Variants in GULP1 observed in about 807,000 individuals in gnomAD.
The protein encoded by GULP1 is PTB domain-containing engulfment adapter protein 1.
GULP1 carries 19 observed loss-of-function variants against 40.9 expected under a neutral mutation model. That is an observed-to-expected ratio of 0.46 (90% CI 0.32 to 0.68). The LOEUF (loss-of-function observed/expected upper bound fraction) is 0.68. Among genes scored for constraint, GULP1 ranks in the 30% least tolerant of loss-of-function variants. GULP1 has a pLI of 0.03. For synonymous variants in GULP1, 119 were observed against 117.6 expected (o/e 1.01, Z -0.08); for missense variants, 312 against 362.2 (o/e 0.86, Z 1.12).
chr2:188,475,834 A>G (rs989855261), intron 2 of GULP1, among the ~76,000 whole-genome samples: 1 of 152,156 alleles, frequency 6.6e-6, no homozygotes, highest in African/African-American at 2.4e-5. Context: ...GTATTCCATT[A>G]TGTATATACA....
intron 7 of GULP1, among the ~76,000 whole-genome samples, chr2:188,552,092 C>T (rs1336643278): frequency 1.3e-5 from 2 of 151,020 alleles, no homozygotes; most frequent in Non-Finnish European, 3.0e-5. Flanking sequence ...ATGAATAATC[C>T]GAAAATATTT....
chr2:188,458,769 T>C (rs1207174770), intron 2 of GULP1, among the ~76,000 whole-genome samples: 2 of 152,142 alleles, frequency 1.3e-5, no homozygotes, highest in Non-Finnish European at 1.5e-5. Flanking sequence ...TGGTAGGTCT[T>C]ATTCATTCAT....
At position 188,444,995 on chromosome 2, in the gene GULP1, T is replaced by C. The variant is rs141079599; in HGVS notation, c.-44-32664T>C. ...CTGATTGTCACCTATTATTTAATGT[T>C]AATATCCTAATTTTCTGCCAAATTT... On this transcript the variant is annotated intron_variant, in intron 2 of 11. Coordinates refer to ENST00000409830, the MANE Select transcript of GULP1 (RefSeq NM_016315.4). Among the ~76,000 whole-genome samples the C allele has an allele frequency of 3.9e-4, 59 of 152,328 alleles. No homozygotes were observed. The East Asian group carries it at 0.011, about 27-fold the overall frequency.
rs189323640 is a variant in GULP1 at position 188,469,016 on chromosome 2, C to T, written c.-44-8643C>T. 1.3e-3 allele frequency among the ~76,000 whole-genome samples: 193 copies of T among 152,120 alleles called. 2 individuals are homozygous for T. Among genetic ancestry groups the T allele is most frequent in the Non-Finnish European group, 1.5e-5 (1 of 67,994 alleles). On this transcript the variant is annotated intron_variant, in intron 2 of 11. Coordinates refer to ENST00000409830, the MANE Select transcript of GULP1 (RefSeq NM_016315.4). ...GGATAGGAGCTCAGAGAATGAGGTA[C>T]CCTTTAAAACATAGTCAGCCTGTTA...
At chr2:188,442,859 C>A (rs1575281137) in intron 2 of GULP1, among the ~76,000 whole-genome samples, 1 of 152,130 alleles carries the variant, frequency 6.6e-6, no homozygotes, top group East Asian at 1.9e-4. Context: ...AGATCAGATT[C>A]TGTCCCTTCT....
At chr2:188,311,969 A>C (rs560854179) in intron 1 of GULP1, among the ~76,000 whole-genome samples, 2 of 150,534 alleles carry the variant, frequency 1.3e-5, no homozygotes, top group Non-Finnish European at 3.0e-5. Context: ...CTTTTTAACA[A>C]AATAATTCTG....
chr2:188,398,667 G>C (rs557358064), intron 2 of GULP1, among the ~76,000 whole-genome samples: 1 of 151,970 alleles, frequency 6.6e-6, no homozygotes, highest in African/African-American at 2.4e-5. Flanking sequence ...TAAACTGTAG[G>C]CCTTTTTTAG....
intron 2 of GULP1, among the ~76,000 whole-genome samples, chr2:188,417,525 T>G (rs535847528): frequency 6.6e-6 from 1 of 152,332 alleles, no homozygotes; most frequent in African/African-American, 2.4e-5. Flanking sequence ...CTATAGAATG[T>G]CTAGAAAAGT....
intron 2 of GULP1, among the ~76,000 whole-genome samples, chr2:188,390,742 T>A (rs2050407854): frequency 6.6e-6 from 1 of 152,094 alleles, no homozygotes; most frequent in African/African-American, 2.4e-5. Flanking sequence ...TTTTTTATGG[T>A]TTCAGGTCTT....
At chr2:188,307,837 A>C (rs2037371089) in intron 1 of GULP1, among the ~76,000 whole-genome samples, 1 of 152,240 alleles carries the variant, frequency 6.6e-6, no homozygotes, top group Non-Finnish European at 1.5e-5. Context: ...AATCCTGTGG[A>C]TCTAATTTCA....
At chr2:188,347,326 A>G (rs1041588909) in intron 1 of GULP1, among the ~76,000 whole-genome samples, 2 of 152,126 alleles carry the variant, frequency 1.3e-5, no homozygotes, top group Non-Finnish European at 2.9e-5. Context: ...GATGGACCCA[A>G]CAGCACTCTG....
chr2:188,576,311 T>C, intron 9 of GULP1, among the ~76,000 whole-genome samples: 1 of 152,108 alleles, frequency 6.6e-6, no homozygotes, highest in Non-Finnish European at 1.5e-5. Flanking sequence ...ATGCCCAATA[T>C]AACTTTGGTC....
At chr2:188,487,933 A>G (rs563019193) in intron 4 of GULP1, among the ~76,000 whole-genome samples, 15 of 152,088 alleles carry the variant, frequency 9.9e-5, no homozygotes, top group African/African-American at 2.2e-4. Flanking sequence ...AAAATTACCT[A>G]TGAGCCTTTA....
At chr2:188,384,036 A>C (rs1481887576) in intron 2 of GULP1, 147 bp downstream of exon 2, 1 of 152,232 alleles carries the variant, frequency 6.6e-6, no homozygotes, top group East Asian at 1.9e-4. Context: ...AAATAAAATT[A>C]AAAGCACTGA....
chr2:188,526,985 A>G (rs1328724250), intron 5 of GULP1, among the ~76,000 whole-genome samples: 1 of 152,168 alleles, frequency 6.6e-6, no homozygotes, highest in Non-Finnish European at 1.5e-5. Context: ...GAAAAGTTTC[A>G]GAAAACCTAG....
At chr2:188,397,464 A>G (rs1297186625) in intron 2 of GULP1, among the ~76,000 whole-genome samples, 2 of 152,234 alleles carry the variant, frequency 1.3e-5, no homozygotes, top group African/African-American at 2.4e-5. Context: ...GTCATTATTT[A>G]TAATTACAGA....
At chr2:188,431,134 G>T (rs1480376021) in intron 2 of GULP1, among the ~76,000 whole-genome samples, 1 of 152,026 alleles carries the variant, frequency 6.6e-6, no homozygotes, top group Non-Finnish European at 1.5e-5. Context: ...CTTTTTCGTT[G>T]ATTTTTCAGC....
intron 3 of GULP1, among the ~76,000 whole-genome samples, chr2:188,480,454 G>T (rs2061357287): frequency 6.6e-6 from 1 of 150,830 alleles, no homozygotes; most frequent in African/African-American, 2.5e-5. Flanking sequence ...AAACATAATT[G>T]TGTTTTTTTT....
intron 1 of GULP1, among the ~76,000 whole-genome samples, chr2:188,328,926 G>A (rs7571338): frequency 0.99 from 151,414 of 152,276 alleles, 75,284 homozygotes; most frequent in East Asian, 1. Flanking sequence ...CCACTTTTTA[G>A]AAGTCAGAAG....
Sources: gnomAD v4.1 joint callset for allele counts (sites outside exome capture counted in the v4.1 genomes callset) on GRCh38, gnomAD v4.1.1 for gene constraint, MANE v1.5 for transcripts, NCBI Gene and HGNC (gene_info 2026-07-23, HGNC 2026-07-21) for gene names.